Variants in TTC7B observed in about 807,000 individuals in gnomAD.
TTC7B encodes the protein tetratricopeptide repeat protein 7B.
A neutral mutation model predicts 106.8 loss-of-function variants in TTC7B; 28 were observed. The ratio of observed to expected loss-of-function variants is 0.26; its 90% confidence interval spans 0.19 to 0.36. The LOEUF is 0.36. Among genes scored for constraint, TTC7B ranks in the 10% least tolerant of loss-of-function variants. The pLI is 1.00. For missense variants in TTC7B, 862 were observed against 1,076.4 expected (o/e 0.80, Z 2.79); for synonymous variants, 405 against 430.6 (o/e 0.94, Z 0.74).
intron 3 of TTC7B, among the ~76,000 whole-genome samples, chr14:90,774,728 T>G (rs1300735620): frequency 6.6e-6 from 1 of 152,212 alleles, no homozygotes; most frequent in Non-Finnish European, 1.5e-5. Flanking sequence ...CTGATCTTCA[T>G]GTGATCTTCC....
chr14:90,702,295 T>C (rs1888023734), intron 5 of TTC7B, among the ~76,000 whole-genome samples: 1 of 152,210 alleles, frequency 6.6e-6, no homozygotes, highest in African/African-American at 2.4e-5. Context: ...ATTGCCCTCA[T>C]TGGGTAACTG....
Position 90,624,894 on chromosome 14 carries a change from T to C in TTC7B, c.1752-6849A>G, listed in dbSNP as rs1481544938. Among the ~76,000 whole-genome samples the C allele has an allele frequency of 6.6e-6, 1 of 152,226 alleles. No homozygotes were observed. The highest frequency in any genetic ancestry group is 1.5e-5 in the Non-Finnish European group (1 of 68,044). ...GGCTCTGCATGCCAGGGACCTGCTCTTTCTTTGTTTATCTACTGAATGCAG... is the reference window on the plus strand; with the variant it reads ...GGCTCTGCATGCCAGGGACCTGCTCCTTCTTTGTTTATCTACTGAATGCAG... On this transcript the variant is annotated intron_variant, in intron 15 of 19. Transcript: ENST00000328459. This position sits in a 1 kb window ranked among gnomAD's most constrained non-coding sequence, Gnocchi z 4.0.
chr14:90,642,826 A>G (rs1885240350), intron 15 of TTC7B: 1 of 152,156 alleles, frequency 6.6e-6, no homozygotes, highest in African/African-American at 2.4e-5. Context: ...CCTAGAGAAT[A>G]AAACTAAGAC....
intron 3 of TTC7B, among the ~76,000 whole-genome samples, chr14:90,768,353 T>TGG (rs1399776695): frequency 1.3e-5 from 2 of 151,778 alleles, no homozygotes; most frequent in African/African-American, 4.8e-5. Context: ...TACAAGGCAG[T>TGG]GGGGGAGAGA....
At chr14:90,718,792 T>A (rs554115040) in intron 5 of TTC7B, among the ~76,000 whole-genome samples, 1 of 131,534 alleles carries the variant, frequency 7.6e-6, no homozygotes, top group East Asian at 2.0e-4. Flanking sequence ...TGCACAACTA[T>A]ACACCAGACA....
At chr14:90,638,096 G>T (rs879342986) in intron 15 of TTC7B, among the ~76,000 whole-genome samples, 3 of 151,762 alleles carry the variant, frequency 2.0e-5, no homozygotes, top group Non-Finnish European at 2.9e-5. Flanking sequence ...TGTTGCCCAG[G>T]CTGGTCTTGA....
intron 18 of TTC7B, among the ~76,000 whole-genome samples, chr14:90,589,755 T>G (rs1484259704): frequency 6.6e-6 from 1 of 152,232 alleles, no homozygotes; most frequent in Non-Finnish European, 1.5e-5. Context: ...TAAAAGGCTA[T>G]GTGAAGGTAT....
chr14:90,578,232 C>T lies in TTC7B; in HGVS notation c.2184G>A (p.Met728Ile). 1 of 1,614,210 alleles carries T rather than the reference C, an allele frequency of 6.2e-7. No individual in the cohort carries two copies. Among genetic ancestry groups the T allele is most frequent in the African/African-American group, 1.3e-5 (1 of 75,058 alleles). The change falls in exon 19 of 20, where the codon ATG (methionine) becomes ATA (isoleucine). Residue 728 changes from methionine (M) to isoleucine (I), a missense_variant. Physicochemically the swap from Met to Ile is conservative, Grantham distance 10 (BLOSUM62 1). Coordinates refer to ENST00000328459, the MANE Select transcript of TTC7B (RefSeq NM_001010854.2). The surrounding 1 kb of genome is among the most constrained non-coding windows in gnomAD (Gnocchi z 4.7). ...CGCGCATGTAGAGGACATTGTGGGA[C>T]ATTGGGAAGAGGTTGGCAGCTTCTT... ...CTQEAANLFPMSHNVLYMRGQ... is the reference protein window; with the variant it reads ...CTQEAANLFPISHNVLYMRGQ...
chr14:90,729,982 C>G (rs1184587662), intron 5 of TTC7B, 93 bp downstream of exon 5: 1 of 1,304,098 alleles, frequency 7.7e-7, no homozygotes, highest in Non-Finnish European at 1.0e-6. Flanking sequence ...ATTTAAAATT[C>G]CTTTATTATA....
At chr14:90,590,987 T>C (rs1385748719) in intron 18 of TTC7B, among the ~76,000 whole-genome samples, 2 of 152,224 alleles carry the variant, frequency 1.3e-5, no homozygotes, top group East Asian at 1.9e-4. Flanking sequence ...AACTTGACTC[T>C]GTCCTATGGG....
chr14:90,578,831 T>C lies in TTC7B; in HGVS notation c.2108-523A>G, dbSNP rs2139805420. Among the ~76,000 whole-genome samples the C allele has an allele frequency of 6.6e-6, 1 of 152,128 alleles. No individual in the cohort carries two copies. The highest frequency in any genetic ancestry group is 1.9e-4 in the East Asian group (1 of 5,138). On this transcript the variant is annotated intron_variant, in intron 18 of 19. Transcript: ENST00000328459. The surrounding 1 kb of genome is among the most constrained non-coding windows in gnomAD (Gnocchi z 4.7). ...GTTCACAGGCGTGATGCAAGATGGCTGCCCCGCCACACCTGGCCCCTGAGC... is the reference window on the plus strand; with the variant it reads ...GTTCACAGGCGTGATGCAAGATGGCCGCCCCGCCACACCTGGCCCCTGAGC...
At chr14:90,721,981 C>T (rs1189748700) in intron 5 of TTC7B, among the ~76,000 whole-genome samples, 5 of 152,184 alleles carry the variant, frequency 3.3e-5, no homozygotes, top group South Asian at 4.1e-4. Context: ...TTGGAGCTTC[C>T]GGATTTTCCG....
intron 4 of TTC7B, among the ~76,000 whole-genome samples, chr14:90,741,962 G>T (rs974883894): frequency 5.3e-5 from 8 of 152,190 alleles, no homozygotes; most frequent in Non-Finnish European, 8.8e-5. Context: ...GAAAATCAGA[G>T]CCAGAAATTT....
rs148290314 is a variant in TTC7B, at chr14:90,600,629, C to T, written c.1967-7003G>A. Among the ~76,000 whole-genome samples the T allele has an allele frequency of 5.5e-4, 84 of 152,322 alleles. 1 individual carries two copies. In the South Asian group the frequency reaches 8.3e-3, roughly 15 times the overall value. ...TTGTCCTGAAAGGGGGAAGCTCTTT[C>T]CAGGGAAGGACCCCAGTAAGGCAGG... On this transcript the variant is annotated intron_variant, in intron 17 of 19. Transcript: ENST00000328459. This position sits in a 1 kb window ranked among gnomAD's most constrained non-coding sequence, Gnocchi z 4.3.
At position 90,564,132 on chromosome 14, in the gene TTC7B, G is replaced by A. The variant is rs549188340; in HGVS notation, c.2310+13974C>T. 7.9e-5 allele frequency among the ~76,000 whole-genome samples: 12 copies of A among 151,758 alleles called. No homozygotes were observed. In the South Asian group the frequency reaches 2.3e-3, roughly 29 times the overall value. ...GTTTACTTTGCCCAGATCCATCAGA[G>A]GAATCACTATCTATGTCTAAATCGC... On this transcript the variant is annotated intron_variant, in intron 19 of 19. Coordinates refer to ENST00000328459, the MANE Select transcript of TTC7B (RefSeq NM_001010854.2).
intron 18 of TTC7B, chr14:90,585,933 A>T (rs1273786282): frequency 6.6e-6 from 1 of 152,352 alleles, no homozygotes; most frequent in Admixed American, 6.5e-5. Flanking sequence ...TTGTCGCTAC[A>T]TTCCCAACCT....
At chr14:90,693,143 G>A (rs965544302) in intron 6 of TTC7B, among the ~76,000 whole-genome samples, 1 of 151,982 alleles carries the variant, frequency 6.6e-6, no homozygotes, top group African/African-American at 2.4e-5. Context: ...AAAAGTATGG[G>A]CAATAAAAGA....
At position 90,742,488 on chromosome 14, in the gene TTC7B, G is replaced by A. The variant is rs1042426919; in HGVS notation, c.576+2304C>T. Among the ~76,000 whole-genome samples the A allele has an allele frequency of 6.6e-6, 1 of 152,034 alleles. No homozygotes were observed. The highest frequency in any genetic ancestry group is 2.4e-5 in the African/African-American group (1 of 41,390). Reference sequence around the variant, plus strand: ...ATGAGCCATCACACCCAGCCTTATTGAGCACTTTCTCTAAGTAAGAGTGTG... The same window carrying A: ...ATGAGCCATCACACCCAGCCTTATTAAGCACTTTCTCTAAGTAAGAGTGTG... On this transcript the variant is annotated intron_variant, in intron 4 of 19. Transcript: ENST00000328459. This position sits in a 1 kb window ranked among gnomAD's most constrained non-coding sequence, Gnocchi z 4.1.
chr14:90,557,650 C>T (rs1365254722), intron 19 of TTC7B, among the ~76,000 whole-genome samples: 1 of 152,246 alleles, frequency 6.6e-6, no homozygotes, highest in Non-Finnish European at 1.5e-5. Flanking sequence ...CCAGCAGCAA[C>T]ACTGAGCTCA....
Sources: allele counts gnomAD v4.1 joint callset (sites outside exome capture counted in the v4.1 genomes callset), GRCh38; gene constraint gnomAD v4.1.1; non-coding constraint Gnocchi (gnomAD v3.1); transcripts MANE v1.5; gene names NCBI Gene and HGNC (gene_info 2026-07-23, HGNC 2026-07-21).